HERC2: variants seen among roughly 807,000 people sequenced by gnomAD.
HERC2 encodes E3 ubiquitin-protein ligase HERC2.
Under a neutral mutation model 537.7 loss-of-function variants are expected in HERC2, and 102 were observed. The ratio of observed to expected loss-of-function variants is 0.19; its 90% CI spans 0.16 to 0.22. The LOEUF (loss-of-function observed/expected upper bound fraction) is 0.22. Among genes scored for constraint, HERC2 ranks in the 10% least tolerant of loss-of-function variants. The pLI, the probability that HERC2 is intolerant of heterozygous loss-of-function variation, is 1.00. For synonymous variants in HERC2, 2,224 were observed against 2,466.2 expected (o/e 0.90, Z 2.91); for missense variants, 4,236 against 6,198.2 (o/e 0.68, Z 10.63).
In HERC2 at chr15:28,230,694, G is replaced by A. The variant is rs570515095; in HGVS notation, c.4676-194C>T. ...GAACAAAAAGACAAAGTGAGAGTGC[G>A]ACGAGGGGAGAAGCCCCGAAGCACG... On this transcript the variant is annotated intron_variant, in intron 30 of 92. Transcript: ENST00000261609. 4.8e-4 allele frequency among the ~76,000 whole-genome samples: 73 copies of A among 152,044 alleles called. 1 individual carries two copies. The highest frequency in any genetic ancestry group is 7.6e-4 in the Non-Finnish European group (52 of 68,008).
At chr15:28,132,036 G>C (rs1890162310) in intron 81 of HERC2, 64 bp downstream of exon 81, 2 of 1,262,642 alleles carry the variant, frequency 1.6e-6, no homozygotes, top group Admixed American at 4.1e-5. Context: ...TTTCCCAGAG[G>C]GGCCCTGGGG....
intron 86 of HERC2, chr15:28,117,535 C>T (rs1032301271): frequency 1.9e-5 from 10 of 520,742 alleles, no homozygotes; most frequent in African/African-American, 1.1e-4. Flanking sequence ...CATCTTGCCA[C>T]GACCTCATGA....
intron 26 of HERC2, among the ~76,000 whole-genome samples, chr15:28,235,560 C>T (rs567579705): frequency 2.2e-4 from 33 of 152,274 alleles, no homozygotes; most frequent in Admixed American, 1.4e-3. Context: ...CACCCACTCT[C>T]GAAAGCAGCA....
chr15:28,141,293 G>T, intron 78 of HERC2, 139 bp downstream of exon 78: 2 of 623,516 alleles, frequency 3.2e-6, no homozygotes, highest in Non-Finnish European at 5.6e-6. Context: ...AACTCTAGCT[G>T]CTTCCTGCAT....
intron 3 of HERC2, among the ~76,000 whole-genome samples, chr15:28,298,926 C>A (rs2141191899): frequency 6.6e-6 from 1 of 152,138 alleles, no homozygotes; most frequent in East Asian, 1.9e-4. Context: ...AGCAGGGGGA[C>A]CAACGAACTT....
At chr15:28,153,250 G>A (rs1285476188) in intron 69 of HERC2, among the ~76,000 whole-genome samples, 1 of 152,212 alleles carries the variant, frequency 6.6e-6, no homozygotes, top group East Asian at 1.9e-4. Context: ...CTACTCAGGA[G>A]GCTGAGGCAG....
intron 52 of HERC2, among the ~76,000 whole-genome samples, chr15:28,194,819 AC>A (rs2140292833): frequency 6.6e-6 from 1 of 152,064 alleles, no homozygotes; most frequent in Non-Finnish European, 1.5e-5. Flanking sequence ...ACTTTGGGAG[AC>A]TGAGGTGGGT....
At chr15:28,132,608 T>A (rs367682083) in intron 80 of HERC2, 45 bp downstream of exon 80, 9 of 1,365,188 alleles carry the variant, frequency 6.6e-6, no homozygotes, top group Non-Finnish European at 1.9e-6. Context: ...ACAGCAGCAG[T>A]GAGGAGCATG....
At chr15:28,159,000 T>TA (rs1424260040) in intron 69 of HERC2, among the ~76,000 whole-genome samples, 1 of 152,182 alleles carries the variant, frequency 6.6e-6, no homozygotes. Flanking sequence ...TTATGAAGCT[T>TA]AGTTTGGCTG....
At chr15:28,191,857 G>T in intron 53 of HERC2, 104 bp downstream of exon 53, 1 of 878,068 alleles carries the variant, frequency 1.1e-6, no homozygotes, top group Non-Finnish European at 1.8e-6. Context: ...ACTGACAGGT[G>T]CTATCAGCAA....
intron 9 of HERC2, chr15:28,271,898 C>CG (rs138262025): frequency 2.4e-4 from 72 of 294,276 alleles, no homozygotes; most frequent in African/African-American, 1.5e-3. Context: ...GCTCAGGTGA[C>CG]GTGCCCTGCA....
Position 28,113,680 on chromosome 15 carries a change from T to C in HERC2, c.13914-2A>G, listed in dbSNP as rs1887903938. The C allele has an allele frequency of 6.2e-7, 1 of 1,613,276 alleles. No individual in the cohort carries two copies. The highest frequency in any genetic ancestry group is 8.5e-7 in the Non-Finnish European group (1 of 1,179,274). ...ACCTGCTCATCAAATTCATGGAGTC[T>C]GGAAGAAAAAGCTCACTTTACACTT... On this transcript the variant is annotated splice_acceptor_variant, in intron 90 of 92. Transcript: ENST00000261609. LOFTEE classifies it high-confidence loss of function. This position sits in a 1 kb window ranked among gnomAD's most constrained non-coding sequence, Gnocchi z 7.0.
chr15:28,194,899 T>A (rs1440834927), intron 52 of HERC2, among the ~76,000 whole-genome samples: 1 of 151,138 alleles, frequency 6.6e-6, no homozygotes, highest in Non-Finnish European at 1.5e-5. Flanking sequence ...CTACTAAAAA[T>A]ACAAAAATTA....
intron 4 of HERC2, among the ~76,000 whole-genome samples, chr15:28,282,117 A>C (rs1285907280): frequency 6.6e-6 from 1 of 152,178 alleles, no homozygotes; most frequent in African/African-American, 2.4e-5. Flanking sequence ...GCCTCACAGT[A>C]ACCAGGGGCC....
rs149447662 is a variant in HERC2, at chr15:28,243,981, G to A, written c.3577+1900C>T. On this transcript the variant is annotated intron_variant, in intron 23 of 92. Transcript: ENST00000261609. ...ACTTGAGCCTAGGAGTTTGAGACCA[G>A]CCTGGGCAACAGAGGGAGACCGTGT... Among the ~76,000 whole-genome samples the A allele has an allele frequency of 7.2e-5, 11 of 152,298 alleles. No homozygotes were observed. The East Asian group carries it at 2.1e-3, about 29-fold the overall frequency.
chr15:28,174,149 A>G (rs905355511), intron 65 of HERC2, among the ~76,000 whole-genome samples: 8 of 152,174 alleles, frequency 5.3e-5, no homozygotes, highest in African/African-American at 1.9e-4. Flanking sequence ...CTGTTCACAC[A>G]GAAGGACAGC....
chr15:28,283,841 C>A (rs1031420108), intron 4 of HERC2, among the ~76,000 whole-genome samples: 9 of 152,154 alleles, frequency 5.9e-5, no homozygotes. Flanking sequence ...ACACCAGGTA[C>A]AATCTGATAA....
In HERC2 at chr15:28,115,454, C is replaced by T; in HGVS notation, c.13697G>A (p.Ser4566Asn). ...CTCACTGAGGTCCGCGATGGTGAGG[C>T]TCATCCCAGCCAGCTGCTTCCAGAC... ...EPVWKQLAGM[S>N]LTIADLSEVD... Residue 4566 changes from serine to asparagine, a missense_variant, in exon 89 of 93, where the codon AGC (serine) becomes AAC (asparagine). Transcript: ENST00000261609. 1 of 1,613,996 alleles carries T rather than the reference C, an allele frequency of 6.2e-7. No individual in the cohort carries two copies. The highest frequency in any genetic ancestry group is 1.7e-5 in the Admixed American group (1 of 60,006).
At chr15:28,238,076 C>G in intron 25 of HERC2, 38 bp downstream of exon 25, 1 of 1,172,670 alleles carries the variant, frequency 8.5e-7, no homozygotes, top group Admixed American at 1.7e-5. Flanking sequence ...AGGGTATCCC[C>G]TGCCATCCTC....
Sources: gnomAD v4.1 joint callset for allele counts (sites outside exome capture counted in the v4.1 genomes callset) on GRCh38, gnomAD v4.1.1 for gene constraint, Gnocchi (gnomAD v3.1) non-coding constraint, MANE v1.5 for transcripts, NCBI Gene and HGNC (gene_info 2026-07-23, HGNC 2026-07-21) for gene names.